EMP2: variants seen among roughly 807,000 people sequenced by gnomAD.
The protein encoded by EMP2 is epithelial membrane protein 2.
A neutral mutation model predicts 13.7 loss-of-function variants in EMP2; 19 were observed. The observed-to-expected ratio is 1.38, with a 90% CI of 0.97 to 2.03. EMP2 has a LOEUF of 2.03. Among genes scored for constraint, EMP2 ranks in the 30% most tolerant of loss-of-function variants. The probability of loss-of-function intolerance (pLI) is 0.00; values close to 1 mark genes in which losing one functional copy is unlikely to be tolerated. For missense variants in EMP2, 253 were observed against 220.7 expected, an observed-to-expected ratio of 1.15 and a Z score of -0.93; for synonymous variants, 97 against 84.7, an observed-to-expected ratio of 1.15 and a Z score of -0.80.
At chr16:10,556,761 G>A (rs572545958) in intron 1 of EMP2, among the ~76,000 whole-genome samples, 3 of 152,310 alleles carry the variant, frequency 2.0e-5, no homozygotes, top group South Asian at 4.1e-4. Context: ...GAAACCAAGG[G>A]TCCTAATGGT....
At chr16:10,539,910 G>A (rs1049896899) in intron 3 of EMP2, among the ~76,000 whole-genome samples, 2 of 151,792 alleles carry the variant, frequency 1.3e-5, no homozygotes, top group Non-Finnish European at 2.9e-5. Flanking sequence ...ACCTGGGATT[G>A]CTTATTAAAA....
chr16:10,561,796 T>G (rs2050873140), intron 1 of EMP2, among the ~76,000 whole-genome samples: 1 of 152,138 alleles, frequency 6.6e-6, no homozygotes. Context: ...GCTCAGTGAA[T>G]ATGTGTTGAA....
intron 1 of EMP2, among the ~76,000 whole-genome samples, chr16:10,575,237 CTTTTTTTTTTTTTTTTTTTTT>C (rs761837614): frequency 1.9e-5 from 1 of 52,500 alleles, no homozygotes; most frequent in South Asian, 7.1e-4. Context: ...AGCTTGCATT[CTTTTTTTTTTTTTTTTTTTTT>C]TTTTTTTTTT....
Position 10,537,923 on chromosome 16 carries a change from C to T in EMP2, c.316+5G>A. 1 of 1,613,952 alleles carries T rather than the reference C, an allele frequency of 6.2e-7. No individual in the cohort carries two copies. Among genetic ancestry groups the T allele is most frequent in the South Asian group, 1.1e-5 (1 of 91,044 alleles). ...CTTGTTAGGGAAGCCCGTTGATGTA[C>T]TTACATGACATTAGCTGGATGATGG... On this transcript the variant is annotated splice_donor_5th_base_variant and intron_variant, in intron 4 of 4. Transcript: ENST00000359543.
chr16:10,543,492 G>T, intron 3 of EMP2, 78 bp downstream of exon 3: 1 of 1,513,366 alleles, frequency 6.6e-7, no homozygotes, highest in Non-Finnish European at 9.2e-7. Flanking sequence ...GTACGGAGTC[G>T]GGGAACCCGA....
At chr16:10,552,115 T>C (rs2050792793) in intron 1 of EMP2, among the ~76,000 whole-genome samples, 1 of 128,334 alleles carries the variant, frequency 7.8e-6, no homozygotes. Flanking sequence ...AAATGATGCA[T>C]TCCCTTTTTT....
At position 10,580,052 on chromosome 16, in the gene EMP2, C is replaced by A. The variant is rs1316573754; in HGVS notation, c.-61+497G>T. Among the ~76,000 whole-genome samples, 1 of 152,338 alleles carries A rather than the reference C, an allele frequency of 6.6e-6. No individual in the cohort carries two copies. Among genetic ancestry groups the A allele is most frequent in the African/African-American group, 2.4e-5 (1 of 41,592 alleles). ...CTCCCGGCTCCTCCACCGTTCCTGA[C>A]CCCCAAGAAGTCGCTCCTCGCCGCT... On this transcript the variant is annotated intron_variant, in intron 1 of 4. Coordinates refer to ENST00000359543, the MANE Select transcript of EMP2 (RefSeq NM_001424.6). The surrounding 1 kb of genome is among the most constrained non-coding windows in gnomAD (Gnocchi z 4.3).
chr16:10,533,172 T>A, intron 4 of EMP2, 80 bp from the exon 5 acceptor site: 3 of 1,233,252 alleles, frequency 2.4e-6, no homozygotes, highest in Non-Finnish European at 2.1e-6. Context: ...ACGGCCAGAG[T>A]TGAAGACAAA....
chr16:10,547,478 A>G (rs907745147), intron 2 of EMP2, 62 bp downstream of exon 2: 34 of 1,565,954 alleles, frequency 2.2e-5, no homozygotes, highest in Non-Finnish European at 2.9e-5. Context: ...AGACCAATAC[A>G]ACCCACTTCT....
At chr16:10,544,966 T>G (rs2050728930) in intron 2 of EMP2, 1 of 152,248 alleles carries the variant, frequency 6.6e-6, no homozygotes, top group African/African-American at 2.4e-5. Context: ...CATTTCCCTG[T>G]GTGCTTTGGT....
Position 10,575,743 on chromosome 16 carries a change from C to T in EMP2, c.-61+4806G>A, listed in dbSNP as rs1340924417. On this transcript the variant is annotated intron_variant, in intron 1 of 4. Transcript: ENST00000359543. ...AGCAAACCACAAACAAATCAAGCCA[C>T]TTCCATGTGCATCAATATATCATCT... Among the ~76,000 whole-genome samples the T allele has an allele frequency of 5.3e-5, 8 of 152,282 alleles. No homozygotes were observed. The East Asian group carries it at 1.4e-3, about 26-fold the overall frequency.
At chr16:10,550,296 A>G (rs529953536) in intron 1 of EMP2, among the ~76,000 whole-genome samples, 2 of 152,272 alleles carry the variant, frequency 1.3e-5, no homozygotes, top group African/African-American at 2.4e-5. Context: ...AATTAACCCA[A>G]TAATGTTCTA....
chr16:10,541,627 G>A (rs531514241), intron 3 of EMP2, among the ~76,000 whole-genome samples: 97 of 152,314 alleles, frequency 6.4e-4, no homozygotes, highest in African/African-American at 2.2e-3. Context: ...GCTGGGGCTT[G>A]CAGAGCTCAG....
chr16:10,549,876 TC>T (rs1391428010), intron 1 of EMP2, among the ~76,000 whole-genome samples: 40 of 147,522 alleles, frequency 2.7e-4, no homozygotes, highest in Non-Finnish European at 5.3e-4. Flanking sequence ...TCTTTTTTTT[TC>T]TTTTTCTTTT....
intron 1 of EMP2, among the ~76,000 whole-genome samples, chr16:10,563,426 A>C (rs1025184872): frequency 6.6e-6 from 1 of 152,200 alleles, no homozygotes; most frequent in African/African-American, 2.4e-5. Flanking sequence ...TCCTGACCTC[A>C]AATGATCCAC....
At chr16:10,554,686 C>T (rs1198954772) in intron 1 of EMP2, among the ~76,000 whole-genome samples, 1 of 152,138 alleles carries the variant, frequency 6.6e-6, no homozygotes. Flanking sequence ...CTTCCCCCAC[C>T]ACACCCCAAC....
At chr16:10,536,339 TC>T (rs1239631154) in intron 4 of EMP2, among the ~76,000 whole-genome samples, 24 of 152,220 alleles carry the variant, frequency 1.6e-4, no homozygotes, top group Admixed American at 1.3e-4. Context: ...TTTGGCTGTG[TC>T]CCCACCCCAA....
chr16:10,531,388 A>G lies in EMP2; in HGVS notation c.*1517T>C, dbSNP rs1138755. 72,096 of 152,374 alleles carry G rather than the reference A, an allele frequency of 0.47. 17,953 individuals are homozygous for G. The highest frequency in any genetic ancestry group is 0.59 in the East Asian group (3,017 of 5,156). 9.4% of individuals were successfully genotyped at this position (152,374 alleles called of 1,614,324 possible). On this transcript the variant is annotated 3_prime_UTR_variant, in exon 5 of 5. Transcript: ENST00000359543. ...CACTCTGTCACCCAGGCTGGAGTGC[A>G]GTGGCACGGTCTCGGCTCACTGCAA...
At chr16:10,563,052 A>T (rs1186087344) in intron 1 of EMP2, among the ~76,000 whole-genome samples, 1 of 152,188 alleles carries the variant, frequency 6.6e-6, no homozygotes, top group Non-Finnish European at 1.5e-5. Context: ...GGCAGGTGTC[A>T]AATGCAGGGT....
Sources: allele counts gnomAD v4.1 joint callset (sites outside exome capture counted in the v4.1 genomes callset), GRCh38; gene constraint gnomAD v4.1.1; non-coding constraint Gnocchi (gnomAD v3.1); transcripts MANE v1.5; gene names NCBI Gene and HGNC (gene_info 2026-07-23, HGNC 2026-07-21).